The following CDH13 variants were observed in gnomAD, a reference collection of about 807,000 sequenced individuals.
The protein encoded by CDH13 is cadherin 13, also known as cadherin-13.
CDH13 carries 24 observed loss-of-function variants against 63.8 expected under a neutral mutation model. The observed-to-expected ratio is 0.38, with a 90% confidence interval of 0.27 to 0.53. The LOEUF is 0.53. Among genes scored for constraint, CDH13 ranks in the 20% least tolerant of loss-of-function variants. The probability of loss-of-function intolerance (pLI) is 0.85; values close to 1 mark genes in which losing one functional copy is unlikely to be tolerated. For missense variants in CDH13, 1,049 were observed against 903.1 expected, an observed-to-expected ratio of 1.16 and a Z score of -2.07; for synonymous variants, 503 against 355.3, an observed-to-expected ratio of 1.42 and a Z score of -4.67.
At chr16:83,228,322 G>T (rs1282591079) in intron 5 of CDH13, among the ~76,000 whole-genome samples, 1 of 152,206 alleles carries the variant, frequency 6.6e-6, no homozygotes, top group Non-Finnish European at 1.5e-5. Context: ...TGCTCTGCAG[G>T]CTCCTTGCAT....
chr16:82,821,170 C>T (rs1216577147), intron 1 of CDH13, among the ~76,000 whole-genome samples: 1 of 152,184 alleles, frequency 6.6e-6, no homozygotes, highest in Non-Finnish European at 1.5e-5. Flanking sequence ...ATTCACAGTT[C>T]TCATCTGACA....
At chr16:83,769,300 C>T (rs763047070) in intron 11 of CDH13, among the ~76,000 whole-genome samples, 3 of 152,166 alleles carry the variant, frequency 2.0e-5, no homozygotes, top group Non-Finnish European at 4.4e-5. Context: ...CTTAAACAGT[C>T]TTCTGGCCTT....
intron 5 of CDH13, among the ~76,000 whole-genome samples, chr16:83,236,401 T>G (rs753510953): frequency 2.0e-5 from 3 of 152,168 alleles, no homozygotes; most frequent in Non-Finnish European, 2.9e-5. Flanking sequence ...GCCAACATAT[T>G]ACACACTTTT....
At chr16:83,132,533 C>T (rs913384047) in intron 4 of CDH13, among the ~76,000 whole-genome samples, 5 of 148,518 alleles carry the variant, frequency 3.4e-5, no homozygotes, top group East Asian at 2.0e-4. Flanking sequence ...CTGCAACGTC[C>T]GCCTCCCAGC....
At chr16:82,804,281 AC>A (rs1364538256) in intron 1 of CDH13, among the ~76,000 whole-genome samples, 1 of 105,856 alleles carries the variant, frequency 9.4e-6, no homozygotes, top group East Asian at 2.3e-4. Context: ...CTTGCTACAC[AC>A]ACACACACAC....
intron 6 of CDH13, among the ~76,000 whole-genome samples, chr16:83,424,466 A>G (rs965059105): frequency 3.9e-5 from 6 of 152,184 alleles, no homozygotes; most frequent in African/African-American, 1.4e-4. Context: ...AGGCCTTGCC[A>G]TGCCCTTCAT....
chr16:83,498,169 AGAG>A (rs1157094123), intron 7 of CDH13, among the ~76,000 whole-genome samples: 1 of 152,190 alleles, frequency 6.6e-6, no homozygotes, highest in Non-Finnish European at 1.5e-5. Context: ...CTGATAGGTG[AGAG>A]GAGAGGGGGC....
chr16:82,861,606 C>A (rs1489331938), intron 2 of CDH13, among the ~76,000 whole-genome samples: 2 of 152,122 alleles, frequency 1.3e-5, no homozygotes, highest in African/African-American at 4.8e-5. Flanking sequence ...TTATCTTTTT[C>A]TACTTTAACT....
chr16:83,792,425 G>A (rs1036710090), intron 13 of CDH13, among the ~76,000 whole-genome samples: 1 of 152,244 alleles, frequency 6.6e-6, no homozygotes, highest in Non-Finnish European at 1.5e-5. Context: ...CAAGAGATTG[G>A]AGCCTATTTA....
intron 10 of CDH13, among the ~76,000 whole-genome samples, chr16:83,684,242 C>T (rs928697668): frequency 1.3e-5 from 2 of 152,130 alleles, no homozygotes; most frequent in African/African-American, 4.8e-5. Context: ...TGGTGTACCC[C>T]TGTAATCCCA....
intron 7 of CDH13, among the ~76,000 whole-genome samples, chr16:83,490,605 C>T (rs1458689851): frequency 6.6e-6 from 1 of 152,176 alleles, no homozygotes; most frequent in African/African-American, 2.4e-5. Flanking sequence ...ATAGTCAATG[C>T]TCAAACATGC....
chr16:83,788,875 T>C (rs369944714), intron 13 of CDH13, among the ~76,000 whole-genome samples: 6 of 152,252 alleles, frequency 3.9e-5, no homozygotes, highest in African/African-American at 1.4e-4. Flanking sequence ...AGCTGGAAAG[T>C]ATTCAGTTGA....
At chr16:83,701,480 C>T (rs1456560796) in intron 10 of CDH13, among the ~76,000 whole-genome samples, 2 of 152,178 alleles carry the variant, frequency 1.3e-5, no homozygotes, top group Non-Finnish European at 2.9e-5. Context: ...GCACAGCTGT[C>T]CTCTTGGCAC....
chr16:82,847,908 T>TTG (rs1555529127), intron 1 of CDH13, among the ~76,000 whole-genome samples: 4 of 151,690 alleles, frequency 2.6e-5, no homozygotes, highest in East Asian at 1.9e-4. Flanking sequence ...TTTTTTTTTT[T>TTG]TGTACTTCAC....
At chr16:82,884,133 C>G (rs2040801996) in intron 2 of CDH13, 2 of 453,500 alleles carry the variant, frequency 4.4e-6, no homozygotes, top group Non-Finnish European at 8.8e-6. Flanking sequence ...GAATGCATGT[C>G]TGCATGCACG....
intron 1 of CDH13, among the ~76,000 whole-genome samples, chr16:82,789,876 A>T (rs970416795): frequency 3.3e-5 from 5 of 152,172 alleles, no homozygotes; most frequent in African/African-American, 9.7e-5. Context: ...CTGGACAGGC[A>T]TTGTGGGCAC....
intron 5 of CDH13, among the ~76,000 whole-genome samples, chr16:83,245,539 G>T (rs1904904572): frequency 6.6e-6 from 1 of 152,172 alleles, no homozygotes; most frequent in Non-Finnish European, 1.5e-5. Flanking sequence ...CGAGTTAATA[G>T]ATGTGGTGGT....
chr16:82,860,903 T>A (rs1400933385), intron 2 of CDH13, among the ~76,000 whole-genome samples: 1 of 152,180 alleles, frequency 6.6e-6, no homozygotes, highest in East Asian at 1.9e-4. Context: ...AACCAATATT[T>A]TAAGCCAGTC....
chr16:83,477,440 T>C (rs1248888603), intron 6 of CDH13, among the ~76,000 whole-genome samples: 1 of 152,156 alleles, frequency 6.6e-6, no homozygotes, highest in African/African-American at 2.4e-5. Context: ...GTCCCAAAAT[T>C]TAAGGCATTC....
Sources: allele counts gnomAD v4.1 joint callset (sites outside exome capture counted in the v4.1 genomes callset), GRCh38; gene constraint gnomAD v4.1.1; transcripts MANE v1.5; gene names NCBI Gene and HGNC (gene_info 2026-07-23, HGNC 2026-07-21).